Variants in TIAM2 observed in about 807,000 individuals in gnomAD.
TIAM2 encodes rho guanine nucleotide exchange factor TIAM2.
Under a neutral mutation model 152.9 loss-of-function variants are expected in TIAM2, and 80 were observed. The observed-to-expected ratio is 0.52, with a 90% CI of 0.44 to 0.63. The LOEUF (loss-of-function observed/expected upper bound fraction) is 0.63. Ranked by LOEUF, TIAM2 falls within the 30% of genes least tolerant of loss-of-function variation. The pLI, the probability that TIAM2 is intolerant of heterozygous loss-of-function variation, is 0.00. For missense variants in TIAM2, 1,965 were observed against 2,120.1 expected (o/e 0.93, Z 1.44); for synonymous variants, 804 against 838.0 (o/e 0.96, Z 0.70).
intron 23 of TIAM2, 117 bp downstream of exon 23, chr6:155,252,120 T>A: frequency 1.4e-6 from 1 of 718,424 alleles, no homozygotes; most frequent in Non-Finnish European, 2.4e-6. Flanking sequence ...CTGCTTACTC[T>A]GAGGGTAACT....
chr6:155,256,306 C>A (rs1228458605), intron 26 of TIAM2, 178 bp from the exon 27 acceptor site: 4 of 909,576 alleles, frequency 4.4e-6, no homozygotes, highest in African/African-American at 1.7e-5. Flanking sequence ...AAACCTAAGT[C>A]AAAAATGTCC....
chr6:155,255,194 G>A (rs1783922554), intron 26 of TIAM2: 1 of 152,320 alleles, frequency 6.6e-6, no homozygotes, highest in Non-Finnish European at 1.5e-5. Context: ...AGCCGCAGTG[G>A]TTAGTAGGTA....
chr6:155,106,310 G>A (rs1410989741), intron 2 of TIAM2, among the ~76,000 whole-genome samples: 1 of 151,990 alleles, frequency 6.6e-6, no homozygotes, highest in East Asian at 1.9e-4. Context: ...CAGCCTTTTT[G>A]GGGTATTTTT....
rs1028642220 is a variant in TIAM2, at chr6:155,213,117, G to A, written c.3168+1810G>A. Reference sequence around the variant, plus strand: ...CTCTCCTTGTCACCTGTAATGTGGCGAGCAAGGGGCGTGTTTTGGCCCTGT... The same window carrying A: ...CTCTCCTTGTCACCTGTAATGTGGCAAGCAAGGGGCGTGTTTTGGCCCTGT... On this transcript the variant is annotated intron_variant, in intron 15 of 26. Transcript: ENST00000682666. This position sits in a 1 kb window ranked among gnomAD's most constrained non-coding sequence, Gnocchi z 4.2. Among the ~76,000 whole-genome samples the A allele has an allele frequency of 2.6e-5, 4 of 152,142 alleles. No individual in the cohort carries two copies. The highest frequency in any genetic ancestry group is 2.9e-5 in the Non-Finnish European group (2 of 68,038).
chr6:155,254,724 C>T (rs1783891999), intron 26 of TIAM2, 151 bp downstream of exon 26: 1 of 977,178 alleles, frequency 1.0e-6, no homozygotes, highest in Non-Finnish European at 1.5e-6. Flanking sequence ...ATGCCTCTTG[C>T]TCCCAGACGT....
chr6:155,000,089 G>T (rs1421773321), intron 1 of TIAM2, among the ~76,000 whole-genome samples: 1 of 152,200 alleles, frequency 6.6e-6, no homozygotes, highest in Non-Finnish European at 1.5e-5. Flanking sequence ...AGAAGCTGTG[G>T]CAGTGACTAC....
chr6:155,082,203 T>G (rs1456003081), intron 1 of TIAM2, among the ~76,000 whole-genome samples: 1 of 151,600 alleles, frequency 6.6e-6, no homozygotes, highest in East Asian at 1.9e-4. Flanking sequence ...AATAGCCAGG[T>G]GTGGTGGTGC....
intron 15 of TIAM2, among the ~76,000 whole-genome samples, chr6:155,235,705 T>TG (rs1782717385): frequency 1.3e-5 from 2 of 152,272 alleles, no homozygotes; most frequent in African/African-American, 4.8e-5. Flanking sequence ...AAGGTGGCTT[T>TG]CTAGCACTTG....
intron 1 of TIAM2, among the ~76,000 whole-genome samples, chr6:155,012,854 T>C (rs1439384157): frequency 6.6e-6 from 1 of 152,202 alleles, no homozygotes; most frequent in Non-Finnish European, 1.5e-5. Flanking sequence ...CCCCATCCTC[T>C]GATGCTATTT....
chr6:155,150,146 AG>A (rs763662057), intron 7 of TIAM2, among the ~76,000 whole-genome samples: 14 of 151,736 alleles, frequency 9.2e-5, no homozygotes, highest in Non-Finnish European at 2.1e-4. Flanking sequence ...CTCCCATCTC[AG>A]CTCTTTCCCT....
chr6:155,178,371 T>C (rs1033376036), intron 10 of TIAM2, among the ~76,000 whole-genome samples: 4 of 152,150 alleles, frequency 2.6e-5, no homozygotes, highest in African/African-American at 7.2e-5. Flanking sequence ...TTCTGTACTT[T>C]AGTAATGAGA....
chr6:155,257,056 C>T lies in TIAM2; in HGVS notation c.5041C>T (p.Gln1681Ter), dbSNP rs1319591837. Residue 1681 changes from glutamine (Q) to a stop codon, truncating the protein, a stop_gained, in exon 27 of 27, where the codon CAG becomes TAG. Coordinates refer to ENST00000682666, the MANE Select transcript of TIAM2 (RefSeq NM_012454.4). LOFTEE classifies it high-confidence loss of function. Reference sequence around the variant, plus strand: ...TGTTCTAGAGCGAGAATTCAGTGTCCAGAGTTTAACATCTGTTGTCAGTGA... The same window carrying T: ...TGTTCTAGAGCGAGAATTCAGTGTCTAGAGTTTAACATCTGTTGTCAGTGA... ...NSVLEREFSVQSLTSVVSEEC... is the reference protein window; with the variant it reads ...NSVLEREFSV 4 of 1,614,086 alleles carry T rather than the reference C, an allele frequency of 2.5e-6. No homozygotes were observed. Among genetic ancestry groups the T allele is most frequent in the Non-Finnish European group, 8.5e-7 (1 of 1,180,026 alleles).
At chr6:155,026,006 A>G (rs907205765) in intron 1 of TIAM2, among the ~76,000 whole-genome samples, 1 of 152,156 alleles carries the variant, frequency 6.6e-6, no homozygotes, top group Non-Finnish European at 1.5e-5. Context: ...CATCTCACAA[A>G]TAGAATGGGC....
At position 155,257,392 on chromosome 6, in the gene TIAM2, C is replaced by CTAA; in HGVS notation, c.*276_*278dup. On this transcript the variant is annotated 3_prime_UTR_variant, in exon 27 of 27. Coordinates refer to ENST00000682666, the MANE Select transcript of TIAM2 (RefSeq NM_012454.4). ...GATTTAGGATCCTTAAAATTACATT[C>CTAA]TAATAATTAAGTTATGTGGAAAAAG... The CTAA allele has an allele frequency of 2.5e-6, 1 of 407,596 alleles. No homozygotes were observed. 25.2% of individuals were successfully genotyped at this position (407,596 alleles called of 1,614,324 possible). A position where few individuals can be genotyped will look rare whatever the true frequency, so the allele number is the denominator to read the frequency against.
intron 1 of TIAM2, among the ~76,000 whole-genome samples, chr6:155,021,419 G>A (rs1035088974): frequency 5.3e-5 from 8 of 152,016 alleles, no homozygotes; most frequent in African/African-American, 1.7e-4. Context: ...CTGCCACCGT[G>A]CCCGGCTAGT....
intron 9 of TIAM2, among the ~76,000 whole-genome samples, chr6:155,172,654 A>T (rs554178995): frequency 9.4e-5 from 1 of 10,654 alleles, no homozygotes; most frequent in Non-Finnish European, 1.9e-4. Context: ...ATATATATAT[A>T]TATATATATA....
intron 1 of TIAM2, among the ~76,000 whole-genome samples, chr6:155,074,895 G>A (rs1220419280): frequency 1.7e-4 from 26 of 149,134 alleles, no homozygotes; most frequent in Admixed American, 1.7e-3. Context: ...AGGATTGTCA[G>A]TAGAGGTGGA....
chr6:155,233,868 TGG>T (rs924347304), intron 15 of TIAM2, among the ~76,000 whole-genome samples: 1 of 151,456 alleles, frequency 6.6e-6, no homozygotes, highest in Non-Finnish European at 1.5e-5. Flanking sequence ...GAGGCTGAGG[TGG>T]GAGGGTTGCT....
In TIAM2 at chr6:155,252,883, G is replaced by T. The variant is rs995209625; in HGVS notation, c.4120-65G>T. ...GGGAGAACATAAACTTCTATTCACTGTGCACACATCCTCCCTCAGTGACAG... is the reference window on the plus strand; with the variant it reads ...GGGAGAACATAAACTTCTATTCACTTTGCACACATCCTCCCTCAGTGACAG... On this transcript the variant is annotated intron_variant, in intron 23 of 26. Coordinates refer to ENST00000682666, the MANE Select transcript of TIAM2 (RefSeq NM_012454.4). 4 of 1,435,296 alleles carry T rather than the reference G, an allele frequency of 2.8e-6. No homozygotes were observed. The African/African-American group carries it at 4.2e-5, about 15-fold the overall frequency. 88.9% of individuals were successfully genotyped at this position (1,435,296 alleles called of 1,614,324 possible).
Sources: gnomAD v4.1 joint callset for allele counts (sites outside exome capture counted in the v4.1 genomes callset) on GRCh38, gnomAD v4.1.1 for gene constraint, Gnocchi (gnomAD v3.1) non-coding constraint, MANE v1.5 for transcripts, NCBI Gene and HGNC (gene_info 2026-07-23, HGNC 2026-07-21) for gene names.